The following SPATS2L variants were observed in gnomAD, a reference collection of about 807,000 sequenced individuals.
SPATS2L encodes the protein spermatogenesis associated serine rich 2 like.
Under a neutral mutation model 59.6 loss-of-function variants are expected in SPATS2L, and 30 were observed. The ratio of observed to expected loss-of-function variants is 0.50; its 90% confidence interval spans 0.38 to 0.68. SPATS2L has a LOEUF of 0.68. Among genes scored for constraint, SPATS2L ranks in the 30% least tolerant of loss-of-function variants. The probability of loss-of-function intolerance (pLI) is 0.00; values close to 1 mark genes in which losing one functional copy is unlikely to be tolerated. For synonymous variants in SPATS2L, 252 were observed against 263.5 expected (o/e 0.96, Z 0.42); for missense variants, 615 against 700.0 (o/e 0.88, Z 1.37).
In SPATS2L at chr2:200,399,672, T is replaced by A. The variant is rs1280189846; in HGVS notation, c.39+10389T>A. Among the ~76,000 whole-genome samples, 3 of 152,194 alleles carry A rather than the reference T, an allele frequency of 2.0e-5. 1 individual carries two copies. Among genetic ancestry groups the A allele is most frequent in the Middle Eastern group, 3.2e-3 (1 of 316 alleles). Reference sequence around the variant, plus strand: ...GTGTTCAAATCATCATGCTCTTTTTTAATTGATCAAACCTGTTAAAATGAA... The same window carrying A: ...GTGTTCAAATCATCATGCTCTTTTTAAATTGATCAAACCTGTTAAAATGAA... On this transcript the variant is annotated intron_variant, in intron 3 of 12. Transcript: ENST00000409140.
At chr2:200,389,318 C>T in intron 3 of SPATS2L, 35 bp downstream of exon 3, 1 of 1,479,240 alleles carries the variant, frequency 6.8e-7, no homozygotes, top group Non-Finnish European at 9.3e-7. Context: ...CACAGAAACT[C>T]CAAACTAGGT....
Position 200,411,779 on chromosome 2 carries a change from T to A in SPATS2L, c.40-532T>A, listed in dbSNP as rs117355342. On this transcript the variant is annotated intron_variant, in intron 3 of 12. Transcript: ENST00000409140. Reference sequence around the variant, plus strand: ...AACATTTTTTGGACTATAGCTAAGATTACCATTTCAAAAATACAATGCTCC... The same window carrying A: ...AACATTTTTTGGACTATAGCTAAGAATACCATTTCAAAAATACAATGCTCC... Among the ~76,000 whole-genome samples, 95 of 152,348 alleles carry A rather than the reference T, an allele frequency of 6.2e-4. No individual in the cohort carries two copies. The East Asian group carries it at 0.017, about 28-fold the overall frequency.
Position 200,473,039 on chromosome 2 carries a change from C to T in SPATS2L, c.1268C>T (p.Pro423Leu), listed in dbSNP as rs769404567. 6.2e-6 allele frequency: 10 copies of T among 1,612,312 alleles called. No individual in the cohort carries two copies. The highest frequency in any genetic ancestry group is 1.1e-5 in the South Asian group (1 of 90,958). Residue 423 changes from proline (P) to leucine (L), a missense_variant, in exon 12 of 13, where the codon CCG becomes CTG. Pro to Leu is a moderately conservative substitution (Grantham distance 98, BLOSUM62 -3). This residue lies in a region of SPATS2L where 284 missense variants were observed against 280.1 expected (regional missense o/e 1.01). Transcript: ENST00000409140. The stretch of plus-strand genomic sequence containing the variant: ...GCCGACCCCTCTCACCAGACCATGC[C>T]GGCCAACAAGCAGGTAAGCCGACAC... ...STADPSHQTM[P>L]ANKQNGSSNQ... is the part of the protein sequence containing the mutation.
intron 2 of SPATS2L, among the ~76,000 whole-genome samples, chr2:200,348,050 G>C (rs1010413516): frequency 6.6e-6 from 1 of 152,148 alleles, no homozygotes; most frequent in African/African-American, 2.4e-5. Context: ...AGTATGGCTT[G>C]CTGATATAGC....
In SPATS2L at chr2:200,314,991, G is replaced by A. The variant is rs563207455; in HGVS notation, c.-73+8069G>A. Among the ~76,000 whole-genome samples, 10 of 152,186 alleles carry A rather than the reference G, an allele frequency of 6.6e-5. No individual in the cohort carries two copies. The East Asian group carries it at 7.7e-4, about 12-fold the overall frequency. ...TTAAAAATGTGATTACTTAGTGGAC[G>A]TTACCATGCGACATAAAGAAATAAT... On this transcript the variant is annotated intron_variant, in intron 1 of 12. Transcript: ENST00000409140.
At chr2:200,476,612 C>T (rs2087537742) in intron 12 of SPATS2L, among the ~76,000 whole-genome samples, 1 of 152,178 alleles carries the variant, frequency 6.6e-6, no homozygotes, top group Non-Finnish European at 1.5e-5. Flanking sequence ...GCACTTTTGG[C>T]CACCGGCAGG....
intron 8 of SPATS2L, among the ~76,000 whole-genome samples, chr2:200,442,652 A>G (rs1046000145): frequency 6.6e-6 from 1 of 152,216 alleles, no homozygotes; most frequent in East Asian, 1.9e-4. Context: ...AAGTGTAGCA[A>G]TGCCCTCAAA....
In SPATS2L at chr2:200,427,615, A is replaced by C. The variant is rs576507533; in HGVS notation, c.445+8119A>C. 8.6e-5 allele frequency among the ~76,000 whole-genome samples: 13 copies of C among 151,760 alleles called. No homozygotes were observed. The South Asian group carries it at 2.7e-3, about 31-fold the overall frequency. On this transcript the variant is annotated intron_variant, in intron 6 of 12. Transcript: ENST00000409140. ...AAACTAAAGATGTTATTCCAGTCAG[A>C]AAGTTACCACCTTTATGCCCTCTGA... is the stretch of plus-strand genomic sequence containing the variant.
chr2:200,374,475 A>G lies in SPATS2L; in HGVS notation c.-22-14748A>G, dbSNP rs1396693697. 5.3e-5 allele frequency among the ~76,000 whole-genome samples: 8 copies of G among 152,062 alleles called. No homozygotes were observed. The East Asian group carries it at 1.5e-3, about 29-fold the overall frequency. ...GTCATTTCAGAATGATTTGTTGACC[A>G]TTTTGTTACATTCTTATTTCTCTTG... On this transcript the variant is annotated intron_variant, in intron 2 of 12. Transcript: ENST00000409140.
chr2:200,314,113 C>T (rs2079281985), intron 1 of SPATS2L, among the ~76,000 whole-genome samples: 1 of 152,208 alleles, frequency 6.6e-6, no homozygotes, highest in Non-Finnish European at 1.5e-5. Context: ...TCTGCATCTC[C>T]AGCCTTGAAA....
At chr2:200,326,901 A>ACT (rs766837685) in intron 1 of SPATS2L, among the ~76,000 whole-genome samples, 7 of 99,074 alleles carry the variant, frequency 7.1e-5, no homozygotes, top group African/African-American at 2.6e-4. Flanking sequence ...TGCCCGGCTA[A>ACT]TTTTTTTTTT....
chr2:200,451,047 G>A (rs546793348), intron 8 of SPATS2L, among the ~76,000 whole-genome samples: 6 of 152,186 alleles, frequency 3.9e-5, no homozygotes, highest in Non-Finnish European at 8.8e-5. Context: ...TGATGGGCAC[G>A]GTGGCTCACA....
chr2:200,393,379 A>C (rs2082230550), intron 3 of SPATS2L: 2 of 455,890 alleles, frequency 4.4e-6, no homozygotes, highest in South Asian at 3.1e-5. Flanking sequence ...ACAGAGGTTC[A>C]GTGTAAATGC....
Position 200,478,900 on chromosome 2 carries a change from T to G in SPATS2L, c.*869T>G, listed in dbSNP as rs2087712169. ...ATTTCAGCTCCCATCTCTTTTTTTT[T>G]TTTCTTTTTTCTTTTTCTTTTTTTG... On this transcript the variant is annotated 3_prime_UTR_variant, in exon 13 of 13. Transcript: ENST00000409140. 1 of 151,836 alleles carries G rather than the reference T, an allele frequency of 6.6e-6. No individual in the cohort carries two copies. The highest frequency in any genetic ancestry group is 2.1e-4 in the South Asian group (1 of 4,806). The allele number at this position is 151,836 out of a possible 1,614,324, so 9.4% of individuals were successfully genotyped here.
At chr2:200,474,470 C>G (rs1216250050) in intron 12 of SPATS2L, among the ~76,000 whole-genome samples, 14 of 152,004 alleles carry the variant, frequency 9.2e-5, no homozygotes, top group Non-Finnish European at 2.9e-5. Flanking sequence ...CCACGCCTGA[C>G]TAAATTTTTT....
rs146639229 is a variant in SPATS2L, at chr2:200,416,571, T to C, written c.198+143T>C. 1.3e-3 allele frequency: 554 copies of C among 416,990 alleles called. 1 individual carries two copies. Among genetic ancestry groups the C allele is most frequent in the African/African-American group, 0.01 (503 of 48,614 alleles). 25.8% of individuals were successfully genotyped at this position (416,990 alleles called of 1,614,324 possible). On this transcript the variant is annotated intron_variant, in intron 5 of 12. Coordinates refer to ENST00000409140, the MANE Select transcript of SPATS2L (RefSeq NM_001100423.2). ...CAGAAAGCTTCCAAATTCATGACTC[T>C]CGGAAATTAGCAGATACTCTCAGAT...
chr2:200,449,664 G>T (rs1187761533), intron 8 of SPATS2L, among the ~76,000 whole-genome samples: 1 of 152,162 alleles, frequency 6.6e-6, no homozygotes, highest in African/African-American at 2.4e-5. Context: ...GGATACTAGA[G>T]TATGGTCTTT....
intron 6 of SPATS2L, among the ~76,000 whole-genome samples, chr2:200,422,037 AAAGTT>A (rs1420766717): frequency 6.6e-6 from 1 of 152,234 alleles, no homozygotes; most frequent in Non-Finnish European, 1.5e-5. Context: ...AGCTGCCTTG[AAAGTT>A]AAGTACCCAC....
At chr2:200,464,312 T>G (rs1236710775) in intron 9 of SPATS2L, among the ~76,000 whole-genome samples, 2 of 152,356 alleles carry the variant, frequency 1.3e-5, no homozygotes, top group Admixed American at 1.3e-4. Flanking sequence ...GAAATGTTAA[T>G]GAGACTATAT....
Sources: gnomAD v4.1 joint callset for allele counts (sites outside exome capture counted in the v4.1 genomes callset) on GRCh38, gnomAD v4.1.1 for gene constraint, gnomAD v4.1.1 regional missense constraint, MANE v1.5 for transcripts, NCBI Gene and HGNC (gene_info 2026-07-23, HGNC 2026-07-21) for gene names.